CD320: variants seen among roughly 807,000 people sequenced by gnomAD.
The protein encoded by CD320 is CD320 antigen.
Under a neutral mutation model 22.1 loss-of-function variants are expected in CD320, and 16 were observed. The ratio of observed to expected loss-of-function variants is 0.73; its 90% CI spans 0.49 to 1.10. CD320 has a LOEUF of 1.10. CD320 is among the 50% of genes least tolerant of loss of function. The pLI, the probability that CD320 is intolerant of heterozygous loss-of-function variation, is 0.00. For synonymous variants in CD320, 188 were observed against 167.8 expected, an observed-to-expected ratio of 1.12 and a Z score of -0.93; for missense variants, 388 against 376.9, an observed-to-expected ratio of 1.03 and a Z score of -0.24.
chr19:8,306,568 C>G (rs1243140415), intron 1 of CD320, among the ~76,000 whole-genome samples: 2 of 152,180 alleles, frequency 1.3e-5, no homozygotes, highest in African/African-American at 4.8e-5. Context: ...TTCACTCTGC[C>G]AAGGCCTTTA....
chr19:8,308,192 G>T lies in CD320; in HGVS notation c.99C>A (p.Ala33=), dbSNP rs907165913. 3 of 1,560,342 alleles carry T rather than the reference G, an allele frequency of 1.9e-6. No homozygotes were observed. In the African/African-American group the frequency reaches 4.1e-5, roughly 21 times the overall value. ...LLLGLGLGLE[A]AASPLSTPTS... ...TCGGGGTGGAAAGCGGGCTCGCGGCGGCCTCCAGGCCTAGTCCGAGGCCGA... is the reference window on the plus strand; with the variant it reads ...TCGGGGTGGAAAGCGGGCTCGCGGCTGCCTCCAGGCCTAGTCCGAGGCCGA... Residue 33 remains alanine (A), a synonymous_variant, in exon 1 of 5, where the codon GCC becomes GCA. Coordinates refer to ENST00000301458, the MANE Select transcript of CD320 (RefSeq NM_016579.4).
chr19:8,308,250 G>T lies in CD320; in HGVS notation c.41C>A (p.Thr14Lys), dbSNP rs374551944. Reference protein sequence around the residue: ...GWMAQVGAWRTGALGLALLLL... With the variant: ...GWMAQVGAWRKGALGLALLLL... ...CAGCAGCGCCAGGCCCAGAGCCCCT[G>T]TTCGCCACGCTCCAACCTGCGCCAT... Residue 14 changes from threonine to lysine, a missense_variant, in exon 1 of 5, where the codon ACA (threonine) becomes AAA (lysine). Transcript: ENST00000301458. 6.3e-7 allele frequency: 1 copy of T among 1,584,004 alleles called. No individual in the cohort carries two copies.
At chr19:8,304,118 T>C (rs368185980) in intron 2 of CD320, 30 bp from the exon 3 acceptor site, 21 of 1,225,956 alleles carry the variant, frequency 1.7e-5, no homozygotes, top group African/African-American at 1.3e-4. Context: ...AGGTCCCAAA[T>C]GCCCACCCAA....
intron 1 of CD320, among the ~76,000 whole-genome samples, chr19:8,307,658 G>C (rs1357930578): frequency 6.6e-6 from 1 of 152,168 alleles, no homozygotes; most frequent in Non-Finnish European, 1.5e-5. Flanking sequence ...GGGGGGGAGA[G>C]ACCTCGCGTT....
chr19:8,305,171 C>T lies in CD320; in HGVS notation c.143-15G>A, dbSNP rs754419979. On this transcript the variant is annotated splice_polypyrimidine_tract_variant and intron_variant, in intron 1 of 4. Transcript: ENST00000301458. ...TGAGCTGGGGCCTGCGAGATGGATGCAAATGAAGCCTGGGAAGCTGGAGGC... is the reference window on the plus strand; with the variant it reads ...TGAGCTGGGGCCTGCGAGATGGATGTAAATGAAGCCTGGGAAGCTGGAGGC... 1.3e-6 allele frequency: 2 copies of T among 1,583,978 alleles called. No individual in the cohort carries two copies. Among genetic ancestry groups the T allele is most frequent in the African/African-American group, 2.7e-5 (2 of 74,214 alleles).
intron 1 of CD320, among the ~76,000 whole-genome samples, chr19:8,307,552 C>A (rs537260485): frequency 6.6e-6 from 1 of 152,250 alleles, no homozygotes; most frequent in South Asian, 2.1e-4. Context: ...GAGCCCGTCC[C>A]CACTGGCCAC....
intron 2 of CD320, 82 bp downstream of exon 2, chr19:8,304,949 C>A (rs1970066017): frequency 6.5e-7 from 1 of 1,529,956 alleles, no homozygotes; most frequent in Admixed American, 1.7e-5. Flanking sequence ...CCCACAAGCT[C>A]CACCTCCGCG....
At chr19:8,303,392 C>T (rs1438772223) in intron 3 of CD320, among the ~76,000 whole-genome samples, 2 of 152,100 alleles carry the variant, frequency 1.3e-5, no homozygotes, top group African/African-American at 4.8e-5. Flanking sequence ...GCTAGGATTA[C>T]AGGCGTTAGC....
chr19:8,307,595 C>A (rs771069811), intron 1 of CD320, among the ~76,000 whole-genome samples: 14 of 152,060 alleles, frequency 9.2e-5, no homozygotes, highest in Non-Finnish European at 1.6e-4. Flanking sequence ...AACACGTCCA[C>A]GGGGGTATAT....
intron 1 of CD320, 40 bp from the exon 2 acceptor site, chr19:8,305,196 C>G (rs2232779): frequency 4.5e-6 from 7 of 1,556,134 alleles, no homozygotes; most frequent in Non-Finnish European, 6.1e-6. Flanking sequence ...AAGCTGGAGG[C>G]TGGACCTTTC....
Position 8,305,131 on chromosome 19 carries a change from G to A in CD320, c.168C>T (p.Pro56=). Residue 56 remains proline (P), a synonymous_variant, in exon 2 of 5, where the codon CCC becomes CCT. Coordinates refer to ENST00000301458, the MANE Select transcript of CD320 (RefSeq NM_016579.4). ...AAGPSSGSCP[P]TKFQCRTSGL... The stretch of plus-strand genomic sequence containing the variant: ...CACTGGTGCGGCACTGGAACTTGGT[G>A]GGTGGGCACGAGCCTGAGCTGGGGC... The A allele has an allele frequency of 6.2e-7, 1 of 1,611,242 alleles. No homozygotes were observed. Among genetic ancestry groups the A allele is most frequent in the Non-Finnish European group, 8.5e-7 (1 of 1,178,998 alleles).
chr19:8,308,344 T>C lies in CD320; in HGVS notation c.-54A>G. 6.4e-7 allele frequency: 1 copy of C among 1,560,742 alleles called. No individual in the cohort carries two copies. Among genetic ancestry groups the C allele is most frequent in the Non-Finnish European group, 8.6e-7 (1 of 1,160,218 alleles). On this transcript the variant is annotated 5_prime_UTR_variant, in exon 1 of 5. Coordinates refer to ENST00000301458, the MANE Select transcript of CD320 (RefSeq NM_016579.4). ...GCTGTCCAGACCGCTCTCTTATCCC[T>C]GCGCACGCGCACGCGCGGGGTTGGG...
At chr19:8,304,888 T>C (rs139304187) in intron 2 of CD320, 143 bp downstream of exon 2, 7 of 928,886 alleles carry the variant, frequency 7.5e-6, no homozygotes, top group Non-Finnish European at 1.2e-5. Flanking sequence ...TAGACCCCGC[T>C]TCTTATGACC....
In CD320 at chr19:8,302,414, T is replaced by C. The variant is rs1194093442; in HGVS notation, c.*49A>G. On this transcript the variant is annotated 3_prime_UTR_variant, in exon 5 of 5. Transcript: ENST00000301458. ...CCCATCCGCATCACTGCTCTCCTCCTGTCCGGCTACGCCCAGGGCTGAGTG... is the reference window on the plus strand; with the variant it reads ...CCCATCCGCATCACTGCTCTCCTCCCGTCCGGCTACGCCCAGGGCTGAGTG... 7 of 1,613,018 alleles carry C rather than the reference T, an allele frequency of 4.3e-6. No homozygotes were observed. The highest frequency in any genetic ancestry group is 5.9e-6 in the Non-Finnish European group (7 of 1,179,460).
chr19:8,305,353 C>CT (rs1461315231), intron 1 of CD320, 197 bp from the exon 2 acceptor site: 8 of 595,560 alleles, frequency 1.3e-5, no homozygotes, highest in South Asian at 7.2e-5. Context: ...AAGAGCCCCA[C>CT]TGGGCAGGTG....
At chr19:8,306,842 G>A (rs142555635) in intron 1 of CD320, among the ~76,000 whole-genome samples, 1 of 152,326 alleles carries the variant, frequency 6.6e-6, no homozygotes, top group East Asian at 1.9e-4. Flanking sequence ...GACTGCGGGA[G>A]TGTGTATCCC....
intron 3 of CD320, among the ~76,000 whole-genome samples, chr19:8,303,247 G>A (rs1970036788): frequency 6.6e-6 from 1 of 151,404 alleles, no homozygotes; most frequent in Admixed American, 6.6e-5. Flanking sequence ...CTCCCGAGTA[G>A]CTGGGATTAC....
intron 3 of CD320, among the ~76,000 whole-genome samples, chr19:8,303,576 C>T (rs1970041594): frequency 6.6e-6 from 1 of 151,990 alleles, no homozygotes; most frequent in African/African-American, 2.4e-5. Flanking sequence ...CCATGCCCAG[C>T]AAATTTTTTT....
chr19:8,305,038 C>T lies in CD320; in HGVS notation c.261G>A (p.Glu87=). The change falls in exon 2 of 5, where the codon GAG becomes GAA. Residue 87 remains glutamate (E), a synonymous_variant. Transcript: ENST00000301458. The part of the protein sequence containing the change: ...DLDCSDGSDE[E]ECRIEPCTQK... ...AGGGGCGTGGCCACTCACTGCACTC[C>T]TCCTCATCGCTGCCATCGCTGCAGT... 1.2e-6 allele frequency: 2 copies of T among 1,605,350 alleles called. No homozygotes were observed. Among genetic ancestry groups the T allele is most frequent in the Non-Finnish European group, 1.7e-6 (2 of 1,178,336 alleles).
Sources: allele counts gnomAD v4.1 joint callset (sites outside exome capture counted in the v4.1 genomes callset), GRCh38; gene constraint gnomAD v4.1.1; transcripts MANE v1.5; gene names NCBI Gene and HGNC (gene_info 2026-07-23, HGNC 2026-07-21).